The following SCD5 variants were observed in gnomAD, a reference collection of about 807,000 sequenced individuals.
SCD5 encodes the protein acyl-CoA-desaturase 4.
SCD5 carries 20 observed loss-of-function variants against 30.4 expected under a neutral mutation model. The observed-to-expected ratio is 0.66, with a 90% CI of 0.46 to 0.96. The LOEUF (loss-of-function observed/expected upper bound fraction) is 0.96. Ranked by LOEUF, SCD5 falls within the 40% of genes least tolerant of loss-of-function variation. The pLI is 0.00. For synonymous variants in SCD5, 173 were observed against 176.4 expected (o/e 0.98, Z 0.16); for missense variants, 381 against 443.3 (o/e 0.86, Z 1.26).
intron 1 of SCD5, among the ~76,000 whole-genome samples, chr4:82,708,049 T>C (rs1720005146): frequency 6.6e-6 from 1 of 152,078 alleles, no homozygotes; most frequent in African/African-American, 2.4e-5. Context: ...TTATCATCTA[T>C]AGGGAAAGTA....
At chr4:82,742,909 C>T (rs1329675771) in intron 1 of SCD5, among the ~76,000 whole-genome samples, 1 of 152,136 alleles carries the variant, frequency 6.6e-6, no homozygotes, top group African/African-American at 2.4e-5. Flanking sequence ...AGCAACCTTT[C>T]CAATTCCCTT....
At chr4:82,730,250 A>T (rs1578041956) in intron 1 of SCD5, among the ~76,000 whole-genome samples, 1 of 113,284 alleles carries the variant, frequency 8.8e-6, no homozygotes. Context: ...AAAACATATA[A>T]TATATTATAC....
intron 3 of SCD5, among the ~76,000 whole-genome samples, chr4:82,656,508 C>T (rs938633005): frequency 6.6e-6 from 1 of 152,046 alleles, no homozygotes; most frequent in Admixed American, 6.6e-5. Context: ...TATAAATGGG[C>T]ATTTGGGTTG....
chr4:82,740,930 ATTC>A (rs1295441352), intron 1 of SCD5, among the ~76,000 whole-genome samples: 1 of 95,370 alleles, frequency 1.0e-5, no homozygotes, highest in African/African-American at 5.6e-5. Flanking sequence ...TCTTTTCCCA[ATTC>A]TTTTTTTTTT....
At chr4:82,781,871 A>G (rs1317262142) in intron 1 of SCD5, among the ~76,000 whole-genome samples, 2 of 152,130 alleles carry the variant, frequency 1.3e-5, no homozygotes, top group Admixed American at 1.3e-4. Flanking sequence ...TAGCAGCACA[A>G]AACAGACTAA....
intron 3 of SCD5, chr4:82,661,154 T>C (rs1258450342): frequency 7.9e-7 from 1 of 1,261,220 alleles, no homozygotes; most frequent in African/African-American, 1.5e-5. Context: ...CTAGTGCTCC[T>C]GTAGAAATTG....
At chr4:82,733,169 T>C (rs1720678943) in intron 1 of SCD5, among the ~76,000 whole-genome samples, 1 of 152,098 alleles carries the variant, frequency 6.6e-6, no homozygotes, top group African/African-American at 2.4e-5. Flanking sequence ...ACAGAGTAAA[T>C]GACAGGACGA....
chr4:82,798,417 GC>G lies in SCD5; in HGVS notation c.120del (p.Gln41SerfsTer12). 6.2e-7 allele frequency: 1 copy of G among 1,613,250 alleles called. No homozygotes were observed. Among genetic ancestry groups the G allele is most frequent in the Non-Finnish European group, 8.5e-7 (1 of 1,179,662 alleles). ...GGGPERPGARGQRQNIVWRNV... is the reference protein window; with the variant it reads ...GGGPERPGARXQRQNIVWRNV... Reference sequence around the variant, plus strand: ...TTCCTCCAGACGATGTTCTGCCGCTGCCCGCGCGCGCCTGGCCTCTCCGGGC... The same window carrying G: ...TTCCTCCAGACGATGTTCTGCCGCTGCCGCGCGCGCCTGGCCTCTCCGGGC... On this transcript the variant is annotated frameshift_variant, in exon 1 of 5. Coordinates refer to ENST00000319540, the MANE Select transcript of SCD5 (RefSeq NM_001037582.3). LOFTEE classifies it high-confidence loss of function.
chr4:82,779,655 C>T (rs2868695), intron 1 of SCD5, among the ~76,000 whole-genome samples: 1,837 of 152,266 alleles, frequency 0.012, 31 homozygotes, highest in African/African-American at 0.042. Context: ...CAACCTCATG[C>T]AAACCCTGAC....
chr4:82,738,248 C>A (rs532170955), intron 1 of SCD5, among the ~76,000 whole-genome samples: 1 of 152,192 alleles, frequency 6.6e-6, no homozygotes, highest in Non-Finnish European at 1.5e-5. Flanking sequence ...CATGGTGAAA[C>A]CCTGTCGCTA....
chr4:82,704,797 G>A (rs1719934591), intron 2 of SCD5, among the ~76,000 whole-genome samples: 1 of 152,200 alleles, frequency 6.6e-6, no homozygotes, highest in Non-Finnish European at 1.5e-5. Flanking sequence ...AGTCAGGCTG[G>A]CCTGCATTTG....
At chr4:82,660,989 T>C in intron 3 of SCD5, 2 of 1,614,176 alleles carry the variant, frequency 1.2e-6, no homozygotes, top group Non-Finnish European at 8.5e-7. Context: ...AGGGTGACTT[T>C]CAATATATGC....
rs1018174034 is a variant in SCD5, at chr4:82,629,860, T to A, written c.*1467A>T. The A allele has an allele frequency of 2.0e-5, 3 of 152,302 alleles. No homozygotes were observed. Among genetic ancestry groups the A allele is most frequent in the Admixed American group, 6.5e-5 (1 of 15,304 alleles). The allele number at this position is 152,302 out of a possible 1,614,324, so 9.4% of individuals were successfully genotyped here. A position where few individuals can be genotyped will look rare whatever the true frequency, so the allele number is the denominator to read the frequency against. On this transcript the variant is annotated 3_prime_UTR_variant, in exon 5 of 5. Transcript: ENST00000319540. ...AAATTTTTTTAATCCAGAAGCTACA[T>A]AATGATCACTTTATATTTTGCTACA...
At chr4:82,759,648 TAAAAAAAA>T (rs70938309) in intron 1 of SCD5, among the ~76,000 whole-genome samples, 1 of 125,580 alleles carries the variant, frequency 8.0e-6, no homozygotes, top group African/African-American at 3.0e-5. Flanking sequence ...AACCCCGTCT[TAAAAAAAA>T]AAAAAAAAAA....
At chr4:82,759,862 T>C (rs1048696304) in intron 1 of SCD5, among the ~76,000 whole-genome samples, 3 of 152,180 alleles carry the variant, frequency 2.0e-5, no homozygotes, top group African/African-American at 7.2e-5. Context: ...TGATACCTGG[T>C]AGGCATAACT....
intron 1 of SCD5, among the ~76,000 whole-genome samples, chr4:82,735,679 C>T (rs1170791230): frequency 6.6e-6 from 1 of 152,154 alleles, no homozygotes; most frequent in African/African-American, 2.4e-5. Flanking sequence ...TGTCACTCAC[C>T]GATTCACCAA....
At chr4:82,696,857 T>C (rs1349502310) in intron 2 of SCD5, among the ~76,000 whole-genome samples, 1 of 152,226 alleles carries the variant, frequency 6.6e-6, no homozygotes, top group South Asian at 2.1e-4. Context: ...TGTCAAGGAA[T>C]TGCATTGCAA....
At chr4:82,673,652 G>A (rs1205535745) in intron 3 of SCD5, among the ~76,000 whole-genome samples, 1 of 152,126 alleles carries the variant, frequency 6.6e-6, no homozygotes. Flanking sequence ...TTGACAAACT[G>A]ATTGCAAGGT....
At chr4:82,752,419 T>G (rs13139428) in intron 1 of SCD5, among the ~76,000 whole-genome samples, 115,385 of 151,806 alleles carry the variant, frequency 0.76, 44,414 homozygotes, top group Non-Finnish European at 0.82. Flanking sequence ...GAAATGTTCT[T>G]GTCAATAAAG....
Sources: gnomAD v4.1 joint callset for allele counts (sites outside exome capture counted in the v4.1 genomes callset) on GRCh38, gnomAD v4.1.1 for gene constraint, MANE v1.5 for transcripts, NCBI Gene and HGNC (gene_info 2026-07-23, HGNC 2026-07-21) for gene names.